The following RYR3 variants were observed in gnomAD, a reference collection of about 807,000 sequenced individuals.
RYR3 encodes the protein ryanodine receptor 3.
Under a neutral mutation model 584.3 loss-of-function variants are expected in RYR3, and 207 were observed. The observed-to-expected ratio is 0.35, with a 90% CI of 0.32 to 0.40. The LOEUF is 0.40. Among genes scored for constraint, RYR3 ranks in the 10% least tolerant of loss-of-function variants. The probability of loss-of-function intolerance (pLI) is 1.00; values close to 1 mark genes in which losing one functional copy is unlikely to be tolerated. For synonymous variants in RYR3, 2,416 were observed against 2,248.5 expected, an observed-to-expected ratio of 1.07 and a Z score of -2.11; for missense variants, 5,616 against 6,089.2, an observed-to-expected ratio of 0.92 and a Z score of 2.59.
At chr15:33,742,735 T>C (rs1172200764) in intron 52 of RYR3, among the ~76,000 whole-genome samples, 1 of 152,190 alleles carries the variant, frequency 6.6e-6, no homozygotes, top group African/African-American at 2.4e-5. Flanking sequence ...CAGGCTTGTA[T>C]GTGTTTGACG....
chr15:33,845,622 T>C (rs995094636), intron 93 of RYR3, among the ~76,000 whole-genome samples: 4 of 152,206 alleles, frequency 2.6e-5, no homozygotes, highest in African/African-American at 9.7e-5. Context: ...ACTTTCAAGT[T>C]TGAGAAGCCT....
chr15:33,549,460 C>A (rs889104671), intron 9 of RYR3, among the ~76,000 whole-genome samples: 1 of 152,138 alleles, frequency 6.6e-6, no homozygotes, highest in Non-Finnish European at 1.5e-5. Flanking sequence ...TGCATATGAG[C>A]AAATATTTTA....
chr15:33,747,419 C>CTTTTTTT (rs397854038), intron 53 of RYR3, among the ~76,000 whole-genome samples: 1 of 71,914 alleles, frequency 1.4e-5, no homozygotes, highest in African/African-American at 6.4e-5. Flanking sequence ...TGTTGTCACC[C>CTTTTTTT]TTTTTTTTTT....
chr15:33,314,497 CT>C (rs754007817), intron 1 of RYR3, among the ~76,000 whole-genome samples: 59 of 152,164 alleles, frequency 3.9e-4, no homozygotes, highest in Non-Finnish European at 6.0e-4. Context: ...CTACTTTTTC[CT>C]TTAGACTACA....
At position 33,853,731 on chromosome 15, in the gene RYR3, T is replaced by G. The variant is rs374744657; in HGVS notation, c.13799+49T>G. 3.0e-5 allele frequency: 48 copies of G among 1,577,672 alleles called. No homozygotes were observed. In the African/African-American group the frequency reaches 6.1e-4, roughly 20 times the overall value. ...ATCCAAAGCAGCTAAAATAGATAGATCTTTGCTTTTCCATAGGAAAAAATC... is the reference window on the plus strand; with the variant it reads ...ATCCAAAGCAGCTAAAATAGATAGAGCTTTGCTTTTCCATAGGAAAAAATC... On this transcript the variant is annotated intron_variant, in intron 96 of 103. Coordinates refer to ENST00000634891, the MANE Select transcript of RYR3 (RefSeq NM_001036.6).
At chr15:33,510,315 T>G (rs931283078) in intron 3 of RYR3, among the ~76,000 whole-genome samples, 2 of 152,340 alleles carry the variant, frequency 1.3e-5, no homozygotes, top group South Asian at 2.1e-4. Flanking sequence ...GCAAAGTCCT[T>G]TCTCAGGTCT....
intron 12 of RYR3, among the ~76,000 whole-genome samples, chr15:33,576,764 C>G (rs748044430): frequency 8.6e-5 from 13 of 151,664 alleles, no homozygotes; most frequent in Non-Finnish European, 1.8e-4. Context: ...AAGTTCAGGC[C>G]AGGTCAATCA....
At chr15:33,473,136 G>A (rs1359858280) in intron 1 of RYR3, among the ~76,000 whole-genome samples, 2 of 152,092 alleles carry the variant, frequency 1.3e-5, no homozygotes, top group East Asian at 3.9e-4. Flanking sequence ...AGCTCACCTA[G>A]ACCATATGCT....
Position 33,861,180 on chromosome 15 carries a change from T to TGAGTA in RYR3, c.14465+3_14465+7dup. The TGAGTA allele has an allele frequency of 6.3e-7, 1 of 1,576,220 alleles. No individual in the cohort carries two copies. Among genetic ancestry groups the TGAGTA allele is most frequent in the Non-Finnish European group, 8.6e-7 (1 of 1,157,922 alleles). On this transcript the variant is annotated splice_region_variant and intron_variant, in intron 102 of 103. Transcript: ENST00000634891. ...AGAGCACAACTTAGCCAACTACTTG[T>TGAGTA]GAGTATTCTTGGTTAACAAAAGTAA...
At chr15:33,816,707 G>A (rs2152953191) in intron 74 of RYR3, among the ~76,000 whole-genome samples, 155 bp from the exon 75 acceptor site, 1 of 152,304 alleles carries the variant, frequency 6.6e-6, no homozygotes, top group East Asian at 1.9e-4. Context: ...TGGTTTCTTT[G>A]AAGTGAGTTC....
In RYR3 at chr15:33,584,426, C is replaced by T. The variant is rs780290440; in HGVS notation, c.1605C>T (p.Cys535=). The T allele has an allele frequency of 2.6e-5, 42 of 1,607,756 alleles. No homozygotes were observed. The highest frequency in any genetic ancestry group is 2.1e-4 in the African/African-American group (16 of 74,756). The change falls in exon 15 of 104, where the codon TGC becomes TGT. Residue 535 remains cysteine (C), a synonymous_variant. Transcript: ENST00000634891. The part of the protein sequence containing the change: ...AALIRGNRNN[C]AQFSNNLDWL... ...TCATTCGCGGAAACAGAAACAATTG[C>T]GCTCAATTCTCCAATAACCTTGATT...
intron 91 of RYR3, among the ~76,000 whole-genome samples, chr15:33,842,510 G>C (rs2078434811): frequency 6.6e-6 from 1 of 152,192 alleles, no homozygotes; most frequent in Non-Finnish European, 1.5e-5. Context: ...CTGATACATT[G>C]CCCTCTGAGG....
intron 15 of RYR3, 27 bp from the exon 16 acceptor site, chr15:33,585,971 A>T (rs372383913): frequency 7.0e-7 from 1 of 1,434,408 alleles, no homozygotes; most frequent in Admixed American, 1.7e-5. Flanking sequence ...TTAATGTCCA[A>T]ATTTGATGTT....
At chr15:33,853,515 G>C (rs777195806) in intron 95 of RYR3, 40 bp from the exon 96 acceptor site, 1 of 1,600,078 alleles carries the variant, frequency 6.2e-7, no homozygotes, top group Non-Finnish European at 8.5e-7. Flanking sequence ...ATTTGGTGGT[G>C]GCGTGTGGCC....
chr15:33,819,649 A>T (rs984300237), intron 76 of RYR3, 107 bp from the exon 77 acceptor site: 64 of 688,088 alleles, frequency 9.3e-5, no homozygotes, highest in Non-Finnish European at 1.1e-4. Context: ...ACTCCAGCCT[A>T]GGGGACAAGA....
chr15:33,465,955 G>C (rs184754774), intron 1 of RYR3, among the ~76,000 whole-genome samples: 1 of 152,198 alleles, frequency 6.6e-6, no homozygotes, highest in East Asian at 1.9e-4. Flanking sequence ...AGTTGCCAAT[G>C]TTCTGAAATA....
Position 33,736,384 on chromosome 15 carries a change from T to TAATAAA in RYR3, c.7515+60_7515+61insATAAAA, listed in dbSNP as rs2152829624. ...ATTGCACAGGAAACTTGCCTTGTAA[T>TAATAAA]ATGTGATGTCTTCACAATTTAGAAG... On this transcript the variant is annotated intron_variant, in intron 49 of 103. Coordinates refer to ENST00000634891, the MANE Select transcript of RYR3 (RefSeq NM_001036.6). 3 of 1,151,928 alleles carry TAATAAA rather than the reference T, an allele frequency of 2.6e-6. No homozygotes were observed. The South Asian group carries it at 3.9e-5, about 15-fold the overall frequency. 71.4% of individuals were successfully genotyped at this position (1,151,928 alleles called of 1,614,324 possible).
chr15:33,724,083 A>G lies in RYR3; in HGVS notation c.6819A>G (p.Glu2273=), dbSNP rs772410004. ...CTCTCAGCAGCACGGGGGACGATGAAGAGGAAGAAGAAATCGTGCATATGG... is the reference window on the plus strand; with the variant it reads ...CTCTCAGCAGCACGGGGGACGATGAGGAGGAAGAAGAAATCGTGCATATGG... ...YKREVSTGDD[E]EEEEIVHMGN... is the part of the protein sequence containing the mutation. The change falls in exon 45 of 104, where the codon GAA becomes GAG. Residue 2273 remains glutamate (E), a synonymous_variant. Coordinates refer to ENST00000634891, the MANE Select transcript of RYR3 (RefSeq NM_001036.6). 18 of 1,609,528 alleles carry G rather than the reference A, an allele frequency of 1.1e-5. No individual in the cohort carries two copies. The highest frequency in any genetic ancestry group is 1.5e-5 in the Non-Finnish European group (18 of 1,175,960).
rs552580866 is a variant in RYR3, at chr15:33,360,447, C to G, written c.51+49351C>G. On this transcript the variant is annotated intron_variant, in intron 1 of 103. Transcript: ENST00000634891. Reference sequence around the variant, plus strand: ...AGATTGATCTATGTTACGGCATGTACCAGAAGTTTATTCCTTTTCATTACT... The same window carrying G: ...AGATTGATCTATGTTACGGCATGTAGCAGAAGTTTATTCCTTTTCATTACT... Among the ~76,000 whole-genome samples, 102 of 152,218 alleles carry G rather than the reference C, an allele frequency of 6.7e-4. 1 individual carries two copies. The highest frequency in any genetic ancestry group is 1.9e-3 in the South Asian group (9 of 4,828).
Sources: allele counts gnomAD v4.1 joint callset (sites outside exome capture counted in the v4.1 genomes callset), GRCh38; gene constraint gnomAD v4.1.1; transcripts MANE v1.5; gene names NCBI Gene and HGNC (gene_info 2026-07-23, HGNC 2026-07-21).